The following NDUFAF1 variants were observed in gnomAD, a reference collection of about 807,000 sequenced individuals.
NDUFAF1 encodes the protein NADH:ubiquinone oxidoreductase complex assembly factor 1, also known as complex I intermediate-associated protein 30, mitochondrial.
In NDUFAF1, 18 loss-of-function variants were observed where a neutral mutation model predicts 28.7. The observed-to-expected ratio is 0.63, with a 90% CI of 0.43 to 0.93. NDUFAF1 has a LOEUF of 0.93. Among genes scored for constraint, NDUFAF1 ranks in the 40% least tolerant of loss-of-function variants. The pLI is 0.00. For synonymous variants in NDUFAF1, 113 were observed against 139.7 expected, an observed-to-expected ratio of 0.81 and a Z score of 1.35; for missense variants, 404 against 398.3, an observed-to-expected ratio of 1.01 and a Z score of -0.12.
intron 4 of NDUFAF1, 45 bp from the exon 5 acceptor site, chr15:41,387,638 G>A (rs368538142): frequency 1.7e-5 from 25 of 1,485,698 alleles, no homozygotes; most frequent in Middle Eastern, 1.7e-4. Context: ...ATACAGTGAC[G>A]TACTGAGATT....
intron 3 of NDUFAF1, among the ~76,000 whole-genome samples, chr15:41,393,809 G>C (rs1216642478): frequency 6.6e-6 from 1 of 151,690 alleles, no homozygotes; most frequent in Non-Finnish European, 1.5e-5. Flanking sequence ...TTGACCTCGT[G>C]ATCTGCCCAC....
At position 41,387,570 on chromosome 15, in the gene NDUFAF1, C is replaced by A. The variant is rs2050268118; in HGVS notation, c.858G>T (p.Leu286Phe). 1 of 1,610,076 alleles carries A rather than the reference C, an allele frequency of 6.2e-7. No homozygotes were observed. Among genetic ancestry groups the A allele is most frequent in the African/African-American group, 1.3e-5 (1 of 74,820 alleles). Residue 286 changes from leucine (L) to phenylalanine (F), a missense_variant, in exon 5 of 5, where the codon TTG becomes TTT. Transcript: ENST00000260361. ...AGAATGGACCATCCACTTTATCAGC[C>A]AAGGTGAATCCTATAGAAGAGATCT... ...LDKISSIGFT[L>F]ADKVDGPFFL...
At chr15:41,394,401 AC>A (rs1033773206) in intron 3 of NDUFAF1, 2 of 1,287,688 alleles carry the variant, frequency 1.6e-6, no homozygotes, top group African/African-American at 3.0e-5. Context: ...AAACAAACAA[AC>A]CCCATCTATT....
chr15:41,389,293 T>C (rs1303617180), intron 3 of NDUFAF1, among the ~76,000 whole-genome samples: 4 of 147,880 alleles, frequency 2.7e-5, no homozygotes, highest in African/African-American at 2.5e-5. Context: ...TGTTTCACCA[T>C]GTTAGCCAGG....
intron 1 of NDUFAF1, among the ~76,000 whole-genome samples, chr15:41,397,446 C>T (rs2050405163): frequency 2.0e-5 from 3 of 151,988 alleles, no homozygotes; most frequent in African/African-American, 7.2e-5. Flanking sequence ...AATGGATCTC[C>T]CTGGCCAGGC....
At chr15:41,390,322 T>G (rs370166959) in intron 3 of NDUFAF1, among the ~76,000 whole-genome samples, 6 of 152,118 alleles carry the variant, frequency 3.9e-5, no homozygotes, top group African/African-American at 1.2e-4. Context: ...GAAATATATT[T>G]GAAGAGAAAG....
chr15:41,397,731 A>G (rs922371280), intron 1 of NDUFAF1, among the ~76,000 whole-genome samples: 5 of 150,662 alleles, frequency 3.3e-5, no homozygotes, highest in African/African-American at 7.4e-5. Context: ...CCCAGGAGGC[A>G]GAGCTTGCAG....
At chr15:41,394,291 C>T in intron 3 of NDUFAF1, 1 of 1,187,082 alleles carries the variant, frequency 8.4e-7, no homozygotes, top group South Asian at 1.3e-5. Context: ...GCCTTGGCCT[C>T]CCAAAGTGCT....
At position 41,387,586 on chromosome 15, in the gene NDUFAF1, G is replaced by A; in HGVS notation, c.842C>T (p.Ser281Phe). The change falls in exon 5 of 5, where the codon TCT becomes TTT. Residue 281 changes from serine (S) to phenylalanine (F), a missense_variant. Coordinates refer to ENST00000260361, the MANE Select transcript of NDUFAF1 (RefSeq NM_016013.4). The part of the protein sequence containing the change: ...QHELPLDKIS[S>F]IGFTLADKVD... Reference sequence around the variant, plus strand: ...TTTATCAGCCAAGGTGAATCCTATAGAAGAGATCTAAATTTAAAATACAGA... The same window carrying A: ...TTTATCAGCCAAGGTGAATCCTATAAAAGAGATCTAAATTTAAAATACAGA... 1 of 1,606,676 alleles carries A rather than the reference G, an allele frequency of 6.2e-7. No homozygotes were observed. Among genetic ancestry groups the A allele is most frequent in the Non-Finnish European group, 8.5e-7 (1 of 1,173,328 alleles).
chr15:41,394,019 CTT>C (rs549825524), intron 3 of NDUFAF1: 467 of 129,934 alleles, frequency 3.6e-3, no homozygotes, highest in East Asian at 6.5e-3. Flanking sequence ...TAGGACACTA[CTT>C]TTTTTTTTTT....
chr15:41,398,023 C>CAA (rs1217218175), intron 1 of NDUFAF1, among the ~76,000 whole-genome samples: 1,355 of 56,362 alleles, frequency 0.024, 51 homozygotes, highest in African/African-American at 0.071. Context: ...GACTCTGTCT[C>CAA]AAAAAAAAAA....
Position 41,387,512 on chromosome 15 carries a change from C to G in NDUFAF1, c.916G>C (p.Asp306His). Residue 306 changes from aspartate to histidine, a missense_variant, in exon 5 of 5, where the codon GAT (aspartate) becomes CAT (histidine). By Grantham distance (81) the Asp-to-His change is moderately conservative. Transcript: ENST00000260361. The part of the protein sequence containing the change: ...LEIDFIGVFT[D>H]PAHTEEFAYE... ...GCAAATTCTTCTGTATGAGCTGGATCAGTAAACACGCCAATAAAATCTATC... is the reference window on the plus strand; with the variant it reads ...GCAAATTCTTCTGTATGAGCTGGATGAGTAAACACGCCAATAAAATCTATC... The G allele has an allele frequency of 6.2e-7, 1 of 1,613,372 alleles. No homozygotes were observed. The highest frequency in any genetic ancestry group is 8.5e-7 in the Non-Finnish European group (1 of 1,179,364).
At chr15:41,398,600 C>T (rs1011328069) in intron 1 of NDUFAF1, among the ~76,000 whole-genome samples, 2 of 152,084 alleles carry the variant, frequency 1.3e-5, no homozygotes, top group African/African-American at 2.4e-5. Flanking sequence ...ATGATTCTCC[C>T]ACCTCAGCCT....
chr15:41,401,583 G>A (rs546903117), intron 1 of NDUFAF1, among the ~76,000 whole-genome samples: 1 of 151,642 alleles, frequency 6.6e-6, no homozygotes, highest in Admixed American at 6.6e-5. Context: ...GCGCCACCAC[G>A]CCCAGCTAAT....
intron 3 of NDUFAF1, chr15:41,394,019 CTTTTTTTTTT>C (rs549825524): frequency 4.6e-5 from 6 of 130,158 alleles, no homozygotes; most frequent in East Asian, 2.3e-4. Context: ...TAGGACACTA[CTTTTTTTTTT>C]TTTTTTTTTT....
rs561102841 is a variant in NDUFAF1 at position 41,402,227 on chromosome 15, G to A, written c.-165C>T. 4.8e-4 allele frequency: 219 copies of A among 454,112 alleles called. 1 individual carries two copies. The highest frequency in any genetic ancestry group is 6.7e-4 in the Non-Finnish European group (153 of 226,792). The allele number at this position is 454,112 out of a possible 1,614,324, so 28.1% of individuals were successfully genotyped here. The stretch of plus-strand genomic sequence containing the variant: ...GTACTATTATTATTTCAATTATAGA[G>A]ACGAAGAAACTGACGTTCCAAGGCT... On this transcript the variant is annotated 5_prime_UTR_variant, in exon 1 of 5. Transcript: ENST00000260361.
At chr15:41,394,019 CTTTTTTTT>C (rs549825524) in intron 3 of NDUFAF1, 10 of 130,154 alleles carry the variant, frequency 7.7e-5, no homozygotes, top group Middle Eastern at 2.8e-3. Context: ...TAGGACACTA[CTTTTTTTT>C]TTTTTTTTTT....
At chr15:41,400,831 C>T (rs1259578953) in intron 1 of NDUFAF1, among the ~76,000 whole-genome samples, 1 of 151,812 alleles carries the variant, frequency 6.6e-6, no homozygotes, top group African/African-American at 2.4e-5. Flanking sequence ...GCCACCATGC[C>T]CAGCCTACTC....
At position 41,397,074 on chromosome 15, in the gene NDUFAF1, A is replaced by T; in HGVS notation, c.-15T>A. On this transcript the variant is annotated 5_prime_UTR_variant, in exon 2 of 5. Coordinates refer to ENST00000260361, the MANE Select transcript of NDUFAF1 (RefSeq NM_016013.4). ...ACCAAAGCCATGGTACAAAAAAATC[A>T]AAATGTAAGTTTCTTCCTGGGCTAG... The T allele has an allele frequency of 6.2e-7, 1 of 1,612,546 alleles. No homozygotes were observed. The highest frequency in any genetic ancestry group is 8.5e-7 in the Non-Finnish European group (1 of 1,179,248).
Sources: gnomAD v4.1 joint callset for allele counts (sites outside exome capture counted in the v4.1 genomes callset) on GRCh38, gnomAD v4.1.1 for gene constraint, MANE v1.5 for transcripts, NCBI Gene and HGNC (gene_info 2026-07-23, HGNC 2026-07-21) for gene names.